Variants in TGIF1 observed in about 807,000 individuals in gnomAD.
TGIF1 encodes homeobox protein TGIF1.
TGIF1 carries 4 observed loss-of-function variants against 19.3 expected under a neutral mutation model. That is an observed-to-expected ratio of 0.21 (90% CI 0.10 to 0.47). The LOEUF is 0.47. Among genes scored for constraint, TGIF1 ranks in the 20% least tolerant of loss-of-function variants. The pLI, the probability that TGIF1 is intolerant of heterozygous loss-of-function variation, is 0.98. For synonymous variants in TGIF1, 122 were observed against 129.3 expected, an observed-to-expected ratio of 0.94 and a Z score of 0.38; for missense variants, 275 against 341.4, an observed-to-expected ratio of 0.81 and a Z score of 1.53.
chr18:3,458,465 G>C lies in TGIF1; in HGVS notation c.*525G>C, dbSNP rs79394299. 3.5e-4 allele frequency: 58 copies of C among 166,414 alleles called. No homozygotes were observed. The highest frequency in any genetic ancestry group is 3.1e-3 in the Middle Eastern group (1 of 324). 10.3% of individuals were successfully genotyped at this position (166,414 alleles called of 1,614,324 possible). ...GGGAGGTGCTTCTTAAAAATAAGTA[G>C]GAATATAGCACCCCAGTGAGCAGGA... On this transcript the variant is annotated 3_prime_UTR_variant, in exon 3 of 3. Coordinates refer to ENST00000343820, the MANE Select transcript of TGIF1 (RefSeq NM_003244.4).
At chr18:3,445,873 C>A (rs528009049), upstream of TGIF1, among the ~76,000 whole-genome samples, 25 of 147,522 alleles carry the variant, frequency 1.7e-4, no homozygotes, top group East Asian at 2.9e-3. Flanking sequence ...GAGGCCCTGG[C>A]GTCCCTGGCA....
chr18:3,447,386 C>A (rs111944969), upstream of TGIF1, among the ~76,000 whole-genome samples: 397 of 149,332 alleles, frequency 2.7e-3, 4 homozygotes, highest in African/African-American at 9.3e-3. Flanking sequence ...GTCATTGAAT[C>A]CGTTTTATAG....
chr18:3,415,522 C>A (rs762191685), intron 1 of TGIF1: 13 of 438,288 alleles, frequency 3.0e-5, no homozygotes, highest in Middle Eastern at 5.6e-4. Context: ...AGCAATGGTG[C>A]CAGCACCCCC....
At chr18:3,442,470 T>C (rs1449064373) in intron 2 of TGIF1, among the ~76,000 whole-genome samples, 1 of 152,150 alleles carries the variant, frequency 6.6e-6, no homozygotes, top group Non-Finnish European at 1.5e-5. Context: ...GTTCACTGCT[T>C]TTTGCTCTTT....
Position 3,451,991 on chromosome 18 carries a change from G to A in TGIF1, c.16+1486G>A, listed in dbSNP as rs765309909. 78 of 1,597,544 alleles carry A rather than the reference G, an allele frequency of 4.9e-5. No homozygotes were observed. Among genetic ancestry groups the A allele is most frequent in the Non-Finnish European group, 6.4e-5 (75 of 1,171,274 alleles). On this transcript the variant is annotated intron_variant, in intron 1 of 2. Transcript: ENST00000343820. This position sits in a 1 kb window ranked among gnomAD's most constrained non-coding sequence, Gnocchi z 5.4. ...TCTGTGTTTCGAGGATGGTTCTAGC[G>A]CAGAGCCGGGTGTCTGCCGGGGTGG...
upstream of TGIF1, among the ~76,000 whole-genome samples, chr18:3,448,881 G>T (rs903863007): frequency 6.6e-6 from 1 of 151,970 alleles, no homozygotes; most frequent in African/African-American, 2.4e-5. Flanking sequence ...CGAGGTTACC[G>T]AACAAAAACA....
At chr18:3,431,006 G>A (rs1042934691) in intron 2 of TGIF1, among the ~76,000 whole-genome samples, 5 of 152,044 alleles carry the variant, frequency 3.3e-5, no homozygotes, top group South Asian at 4.1e-4. Context: ...CTGGGGCAGG[G>A]AGAATACGAT....
intron 2 of TGIF1, among the ~76,000 whole-genome samples, chr18:3,444,886 T>C (rs779780102): frequency 5.9e-5 from 9 of 152,120 alleles, no homozygotes; most frequent in Non-Finnish European, 1.2e-4. Context: ...AATAAAGGAT[T>C]GAGCTAGATT....
intron 1 of TGIF1, among the ~76,000 whole-genome samples, chr18:3,454,955 C>T (rs1189394353): frequency 1.3e-5 from 2 of 152,140 alleles, no homozygotes; most frequent in Non-Finnish European, 2.9e-5. Flanking sequence ...TTAAAAAACA[C>T]GGTGTTTAGC....
In TGIF1 at chr18:3,451,358, G is replaced by T. The variant is rs1423196646; in HGVS notation, c.16+853G>T. On this transcript the variant is annotated intron_variant, in intron 1 of 2. Coordinates refer to ENST00000343820, the MANE Select transcript of TGIF1 (RefSeq NM_003244.4). The surrounding 1 kb of genome is among the most constrained non-coding windows in gnomAD (Gnocchi z 5.4). ...AAAATACACCGGAGGGGGACGGGGG[G>T]TGGAGAAACCACACAAAACACCCCG... 4.1e-6 allele frequency: 4 copies of T among 984,824 alleles called. No homozygotes were observed. The highest frequency in any genetic ancestry group is 4.8e-6 in the Non-Finnish European group (4 of 829,922). 61.0% of individuals were successfully genotyped at this position (984,824 alleles called of 1,614,324 possible). A position where few individuals can be genotyped will look rare whatever the true frequency, so the allele number is the denominator to read the frequency against.
Position 3,432,672 on chromosome 18 carries a change from A to G in TGIF1, c.-45+14457A>G, listed in dbSNP as rs549559335. 1.1e-4 allele frequency among the ~76,000 whole-genome samples: 17 copies of G among 152,302 alleles called. No individual in the cohort carries two copies. The East Asian group carries it at 2.7e-3, about 24-fold the overall frequency. ...AGTGTGTGCGCCTGTGTTTGTCTAT[A>G]TGGAAAATAATGGATCAAATCTGGG... is the stretch of plus-strand genomic sequence containing the variant. On this transcript the variant is annotated intron_variant, in intron 2 of 3. Transcript: ENST00000401449.
In TGIF1 at chr18:3,432,144, A is replaced by AAAAG. The variant is rs199561203; in HGVS notation, c.-45+13929_-45+13930insAAAG. ...CTGTCAAAAAAAAAAAAAAAAAAAA[A>AAAAG]CACTAAGAAAGCTAAGGAAGGCGAA... On this transcript the variant is annotated intron_variant, in intron 2 of 3. Coordinates refer to the TGIF1 transcript ENST00000401449. Among the ~76,000 whole-genome samples the AAAAG allele has an allele frequency of 2.2e-5, 3 of 138,460 alleles. 1 individual carries two copies. Among genetic ancestry groups the AAAAG allele is most frequent in the Non-Finnish European group, 1.5e-5 (1 of 66,140 alleles). The allele number at this position is 138,460 out of a possible 152,430, so 90.8% of individuals were successfully genotyped here.
intron 2 of TGIF1, among the ~76,000 whole-genome samples, chr18:3,431,298 T>G (rs1232630424): frequency 2.6e-5 from 4 of 152,044 alleles, no homozygotes; most frequent in African/African-American, 9.7e-5. Flanking sequence ...AATATAAGAA[T>G]TAGTCGGGTG....
At chr18:3,441,895 T>G (rs2082680884) in intron 2 of TGIF1, among the ~76,000 whole-genome samples, 2 of 152,230 alleles carry the variant, frequency 1.3e-5, no homozygotes, top group Non-Finnish European at 2.9e-5. Context: ...CAAAATATGC[T>G]TTAATATTTG....
chr18:3,434,426 C>T (rs2082589713), intron 2 of TGIF1, among the ~76,000 whole-genome samples: 1 of 151,972 alleles, frequency 6.6e-6, no homozygotes, highest in South Asian at 2.1e-4. Flanking sequence ...ATCCCAGCTA[C>T]TTGGGAGGCT....
chr18:3,415,612 CT>C (rs1350365262), intron 1 of TGIF1: 1 of 200,664 alleles, frequency 5.0e-6, no homozygotes, highest in Non-Finnish European at 1.1e-5. Flanking sequence ...TTTGAAAGCT[CT>C]ATTTAATTAT....
intron 2 of TGIF1, among the ~76,000 whole-genome samples, chr18:3,441,910 G>T (rs558618993): frequency 6.6e-6 from 1 of 152,172 alleles, no homozygotes; most frequent in Admixed American, 6.5e-5. Flanking sequence ...TATTTGGAAG[G>T]CTTCCCCAGT....
chr18:3,422,383 A>G (rs986344505), intron 2 of TGIF1, among the ~76,000 whole-genome samples: 6 of 151,198 alleles, frequency 4.0e-5, no homozygotes, highest in African/African-American at 1.2e-4. Context: ...ATAGAGCTGT[A>G]CAGTGTGCTT....
At chr18:3,429,750 C>A (rs1429969013) in intron 2 of TGIF1, among the ~76,000 whole-genome samples, 43 of 152,196 alleles carry the variant, frequency 2.8e-4, no homozygotes, top group Non-Finnish European at 1.5e-5. Context: ...TTAATGTTAA[C>A]ACCACAAAAA....
Sources: allele counts gnomAD v4.1 joint callset (sites outside exome capture counted in the v4.1 genomes callset), GRCh38; gene constraint gnomAD v4.1.1; non-coding constraint Gnocchi (gnomAD v3.1); transcripts MANE v1.5; gene names NCBI Gene and HGNC (gene_info 2026-07-23, HGNC 2026-07-21).